TRIM44: variants seen among roughly 807,000 people sequenced by gnomAD.
The protein encoded by TRIM44 is tripartite motif-containing protein 44.
Under a neutral mutation model 37.4 loss-of-function variants are expected in TRIM44, and 13 were observed. The ratio of observed to expected loss-of-function variants is 0.35; its 90% confidence interval spans 0.23 to 0.55. The LOEUF is 0.55. Ranked by LOEUF, TRIM44 falls within the 20% of genes least tolerant of loss-of-function variation. The pLI is 0.89. For synonymous variants in TRIM44, 175 were observed against 157.2 expected (o/e 1.11, Z -0.85); for missense variants, 426 against 437.2 (o/e 0.97, Z 0.23).
intron 3 of TRIM44, among the ~76,000 whole-genome samples, chr11:35,729,909 T>G (rs551322327): frequency 3.9e-5 from 6 of 152,292 alleles, no homozygotes; most frequent in African/African-American, 1.4e-4. Flanking sequence ...CCCAGGAGGT[T>G]GAGGCTGCAG....
intron 2 of TRIM44, among the ~76,000 whole-genome samples, chr11:35,711,520 G>C (rs1420255898): frequency 6.6e-6 from 1 of 150,962 alleles, no homozygotes; most frequent in Non-Finnish European, 1.5e-5. Context: ...TATTTCATAG[G>C]TTGTTGGGAA....
intron 4 of TRIM44, among the ~76,000 whole-genome samples, chr11:35,748,594 A>G (rs566044971): frequency 4.6e-5 from 7 of 152,248 alleles, no homozygotes; most frequent in Non-Finnish European, 8.8e-5. Flanking sequence ...TAGAACCTAT[A>G]CTATTCTATA....
intron 4 of TRIM44, among the ~76,000 whole-genome samples, chr11:35,758,495 T>C (rs2133857948): frequency 6.6e-6 from 1 of 152,342 alleles, no homozygotes; most frequent in Non-Finnish European, 1.5e-5. Flanking sequence ...TTTAGCCCAT[T>C]TACATTTAAG....
At chr11:35,706,778 T>C (rs908517421) in intron 2 of TRIM44, among the ~76,000 whole-genome samples, 4 of 151,890 alleles carry the variant, frequency 2.6e-5, no homozygotes, top group African/African-American at 4.8e-5. Context: ...TAATAAGAGC[T>C]ATCTTTGACA....
rs1289118315 is a variant in TRIM44, at chr11:35,812,305, GAGA to G, written c.*5924_*5926del. ...GACACCCAACAGAAAGTCGTAATAA[GAGA>G]AGATGTCACAGAAATAGAAACAAAA... is the stretch of plus-strand genomic sequence containing the variant. On this transcript the variant is annotated 3_prime_UTR_variant, in exon 5 of 5. Coordinates refer to ENST00000299413, the MANE Select transcript of TRIM44 (RefSeq NM_017583.6). 22 of 152,160 alleles carry G rather than the reference GAGA, an allele frequency of 1.4e-4. No individual in the cohort carries two copies. Among genetic ancestry groups the G allele is most frequent in the Non-Finnish European group, 2.8e-4 (19 of 68,028 alleles). The allele number at this position is 152,160 out of a possible 1,614,324, so 9.4% of individuals were successfully genotyped here. A position where few individuals can be genotyped will look rare whatever the true frequency, so the allele number is the denominator to read the frequency against.
intron 4 of TRIM44, among the ~76,000 whole-genome samples, chr11:35,755,349 G>A (rs1852622124): frequency 7.2e-6 from 1 of 139,654 alleles, no homozygotes; most frequent in South Asian, 2.5e-4. Flanking sequence ...TGTTAATGGG[G>A]TTGTTTGTTT....
intron 2 of TRIM44, among the ~76,000 whole-genome samples, chr11:35,693,574 C>T (rs1231628379): frequency 2.0e-5 from 3 of 152,104 alleles, no homozygotes; most frequent in Admixed American, 6.6e-5. Flanking sequence ...TTAGCATGAG[C>T]GACTCCATTT....
At chr11:35,775,500 C>T (rs970454129) in intron 4 of TRIM44, among the ~76,000 whole-genome samples, 11 of 152,180 alleles carry the variant, frequency 7.2e-5, no homozygotes, top group African/African-American at 2.7e-4. Flanking sequence ...GAACTTCCAG[C>T]ACTATGTTGA....
chr11:35,708,885 C>T (rs1313832323), intron 2 of TRIM44, among the ~76,000 whole-genome samples: 2 of 151,468 alleles, frequency 1.3e-5, no homozygotes, highest in South Asian at 2.1e-4. Flanking sequence ...ACATTGTGCA[C>T]ATGTACCCTA....
intron 4 of TRIM44, among the ~76,000 whole-genome samples, chr11:35,765,325 A>C (rs145011042): frequency 3.3e-5 from 5 of 152,298 alleles, no homozygotes; most frequent in African/African-American, 1.2e-4. Flanking sequence ...TCCTGAACAA[A>C]GAATTATAAT....
At chr11:35,767,111 G>A (rs1294474346) in intron 4 of TRIM44, among the ~76,000 whole-genome samples, 3 of 152,154 alleles carry the variant, frequency 2.0e-5, no homozygotes, top group South Asian at 4.1e-4. Flanking sequence ...AATGAAAGAC[G>A]TAATGGAAAC....
chr11:35,701,645 G>C (rs1285638929), intron 2 of TRIM44, among the ~76,000 whole-genome samples: 1 of 152,078 alleles, frequency 6.6e-6, no homozygotes, highest in East Asian at 1.9e-4. Context: ...CAGTTTTCTG[G>C]GCTGTCTTGA....
chr11:35,752,032 G>T (rs1049767455), intron 4 of TRIM44, among the ~76,000 whole-genome samples: 2 of 152,064 alleles, frequency 1.3e-5, no homozygotes, highest in Non-Finnish European at 2.9e-5. Context: ...AGCTACTTTT[G>T]TTCAAAACAT....
At chr11:35,742,155 C>A (rs1679994675) in intron 4 of TRIM44, among the ~76,000 whole-genome samples, 1 of 151,770 alleles carries the variant, frequency 6.6e-6, no homozygotes, top group African/African-American at 2.4e-5. Flanking sequence ...GTTCCCCAAG[C>A]TGGTTTTGAA....
rs965360215 is a variant in TRIM44, at chr11:35,807,836, G to C, written c.*1451G>C. The C allele has an allele frequency of 2.0e-5, 3 of 152,096 alleles. No individual in the cohort carries two copies. Among genetic ancestry groups the C allele is most frequent in the African/African-American group, 7.2e-5 (3 of 41,442 alleles). The allele number at this position is 152,096 out of a possible 1,614,324, so 9.4% of individuals were successfully genotyped here. A position where few individuals can be genotyped will look rare whatever the true frequency, so the allele number is the denominator to read the frequency against. On this transcript the variant is annotated 3_prime_UTR_variant, in exon 5 of 5. Transcript: ENST00000299413. ...TGTTCACTTACGAAGCATACAACTA[G>C]AACCATATCCAAGCAGACTCTGGGT...
chr11:35,701,385 A>AG (rs1851786924), intron 2 of TRIM44, among the ~76,000 whole-genome samples: 1 of 152,220 alleles, frequency 6.6e-6, no homozygotes. Context: ...TTTAAAAAAA[A>AG]AAAGTCCTTT....
rs11825411 is a variant in TRIM44, at chr11:35,755,112, C to G, written c.1007+19667C>G. ...TCCACAGTGGTTGGACTAGTTTACA[C>G]TCCCACCAACAGTGTAAAAGTGTTC... On this transcript the variant is annotated intron_variant, in intron 4 of 4. Coordinates refer to ENST00000299413, the MANE Select transcript of TRIM44 (RefSeq NM_017583.6). 2.0e-3 allele frequency among the ~76,000 whole-genome samples: 300 copies of G among 152,288 alleles called. 2 individuals are homozygous for G. Among genetic ancestry groups the G allele is most frequent in the African/African-American group, 6.7e-3 (277 of 41,570 alleles).
intron 4 of TRIM44, among the ~76,000 whole-genome samples, chr11:35,753,305 AC>A (rs1852581675): frequency 6.6e-6 from 1 of 152,154 alleles, no homozygotes; most frequent in African/African-American, 2.4e-5. Context: ...AGAGCCTAAT[AC>A]CCCTGTAAGA....
chr11:35,710,681 A>G (rs1851958831), intron 2 of TRIM44, among the ~76,000 whole-genome samples: 1 of 152,228 alleles, frequency 6.6e-6, no homozygotes, highest in African/African-American at 2.4e-5. Flanking sequence ...ATTGGAAGTC[A>G]TCCTTCTCTT....
Sources: gnomAD v4.1 joint callset for allele counts (sites outside exome capture counted in the v4.1 genomes callset) on GRCh38, gnomAD v4.1.1 for gene constraint, MANE v1.5 for transcripts, NCBI Gene and HGNC (gene_info 2026-07-23, HGNC 2026-07-21) for gene names.